PPP5C: variants seen among roughly 807,000 people sequenced by gnomAD.
The protein encoded by PPP5C is serine/threonine-protein phosphatase 5.
PPP5C carries 21 observed loss-of-function variants against 66.7 expected under a neutral mutation model. That is an observed-to-expected ratio of 0.31 (90% CI 0.22 to 0.45). The LOEUF is 0.45. Ranked by LOEUF, PPP5C falls within the 20% of genes least tolerant of loss-of-function variation. The probability of loss-of-function intolerance (pLI) is 1.00; values close to 1 mark genes in which losing one functional copy is unlikely to be tolerated. For synonymous variants in PPP5C, 246 were observed against 257.4 expected (o/e 0.96, Z 0.43); for missense variants, 464 against 675.9 (o/e 0.69, Z 3.48).
chr19:46,347,321 A>G, intron 1 of PPP5C, 104 bp downstream of exon 1: 3 of 1,448,782 alleles, frequency 2.1e-6, no homozygotes, highest in Non-Finnish European at 1.8e-6. Context: ...CGCGGGGCAG[A>G]CACTACCAAG....
intron 2 of PPP5C, among the ~76,000 whole-genome samples, chr19:46,368,167 G>A (rs1477885687): frequency 6.6e-6 from 1 of 152,208 alleles, no homozygotes; most frequent in Non-Finnish European, 1.5e-5. Flanking sequence ...GAAAGCTGCA[G>A]GGGTGGAGAG....
chr19:46,373,788 A>G (rs1972638851), intron 2 of PPP5C, among the ~76,000 whole-genome samples: 2 of 152,114 alleles, frequency 1.3e-5, no homozygotes, highest in Non-Finnish European at 2.9e-5. Context: ...AAGGGAGCCC[A>G]GGGGCCTTTG....
chr19:46,370,527 G>A (rs1461355209), intron 2 of PPP5C, among the ~76,000 whole-genome samples: 1 of 152,186 alleles, frequency 6.6e-6, no homozygotes, highest in African/African-American at 2.4e-5. Context: ...TTGAGAAGGT[G>A]TGGTTCTTTT....
rs187959590 is a variant in PPP5C, at chr19:46,355,159, C to T, written c.363+1170C>T. 3.0e-3 allele frequency among the ~76,000 whole-genome samples: 462 copies of T among 152,344 alleles called. 15 individuals are homozygous for T. The highest frequency in any genetic ancestry group is 0.027 in the Admixed American group (418 of 15,312). ...GAACCCAGGAGGCCTGGCCTCAGGG[C>T]CTTATCTCTCCCACCTCAGAGTTCG... is the stretch of plus-strand genomic sequence containing the variant. On this transcript the variant is annotated intron_variant, in intron 2 of 12. Coordinates refer to ENST00000012443, the MANE Select transcript of PPP5C (RefSeq NM_006247.4).
intron 1 of PPP5C, among the ~76,000 whole-genome samples, chr19:46,348,777 T>G (rs1030546420): frequency 1.3e-5 from 2 of 151,892 alleles, no homozygotes; most frequent in African/African-American, 4.8e-5. Flanking sequence ...GGAGGAGCAC[T>G]TAGTGAGGTG....
At position 46,383,275 on chromosome 19, in the gene PPP5C, C is replaced by T. The variant is rs1329061197; in HGVS notation, c.634-136C>T. The T allele has an allele frequency of 2.6e-6, 4 of 1,548,054 alleles. No individual in the cohort carries two copies. In the Admixed American group the frequency reaches 7.8e-5, roughly 30 times the overall value. The stretch of plus-strand genomic sequence containing the variant: ...GCCTGCTCCCGCTCCCCCAGGCCTG[C>T]CCTGCCCTTTTTCTTCTCTCCCTGC... On this transcript the variant is annotated intron_variant, in intron 4 of 12. Transcript: ENST00000012443. This position sits in a 1 kb window ranked among gnomAD's most constrained non-coding sequence, Gnocchi z 5.0.
chr19:46,376,334 G>A lies in PPP5C; in HGVS notation c.512-119G>A. 1 of 1,354,280 alleles carries A rather than the reference G, an allele frequency of 7.4e-7. No individual in the cohort carries two copies. The highest frequency in any genetic ancestry group is 1.0e-6 in the Non-Finnish European group (1 of 980,604). The allele number at this position is 1,354,280 out of a possible 1,614,324, so 83.9% of individuals were successfully genotyped here. A position where few individuals can be genotyped will look rare whatever the true frequency, so the allele number is the denominator to read the frequency against. On this transcript the variant is annotated intron_variant, in intron 3 of 12. Transcript: ENST00000012443. The surrounding 1 kb of genome is among the most constrained non-coding windows in gnomAD (Gnocchi z 5.1). Reference sequence around the variant, plus strand: ...CAGGAGGGGACTCTTCACTCACTCTGTCCCGCTCTCGACCTGTGTGTCCAC... The same window carrying A: ...CAGGAGGGGACTCTTCACTCACTCTATCCCGCTCTCGACCTGTGTGTCCAC...
Position 46,388,831 on chromosome 19 carries a change from C to A in PPP5C, c.1355+100C>A. Reference sequence around the variant, plus strand: ...TATGATGGAACATTTCAAAGACAGGCAAGAGCAGATAAAAGAACATGACGA... The same window carrying A: ...TATGATGGAACATTTCAAAGACAGGAAAGAGCAGATAAAAGAACATGACGA... On this transcript the variant is annotated intron_variant, in intron 11 of 12. Transcript: ENST00000012443. The surrounding 1 kb of genome is among the most constrained non-coding windows in gnomAD (Gnocchi z 4.9). 7.0e-7 allele frequency: 1 copy of A among 1,430,964 alleles called. No individual in the cohort carries two copies. The highest frequency in any genetic ancestry group is 9.5e-7 in the Non-Finnish European group (1 of 1,048,092). 88.6% of individuals were successfully genotyped at this position (1,430,964 alleles called of 1,614,324 possible).
At chr19:46,351,700 T>C (rs1017266373) in intron 1 of PPP5C, among the ~76,000 whole-genome samples, 3 of 151,832 alleles carry the variant, frequency 2.0e-5, no homozygotes, top group Admixed American at 6.6e-5. Flanking sequence ...CCAGGGAGGG[T>C]CGGTCAGATC....
Position 46,390,498 on chromosome 19 carries a change from AG to A in PPP5C, c.*157del. ...TATTTATTCCCCTTTAGGTTTGCAGAGGGGGTAGGGGCAGAGTCAGGGGCTG... is the reference window on the plus strand; with the variant it reads ...TATTTATTCCCCTTTAGGTTTGCAGAGGGGTAGGGGCAGAGTCAGGGGCTG... On this transcript the variant is annotated 3_prime_UTR_variant, in exon 13 of 13. Coordinates refer to ENST00000012443, the MANE Select transcript of PPP5C (RefSeq NM_006247.4). 1 of 1,463,108 alleles carries A rather than the reference AG, an allele frequency of 6.8e-7. No individual in the cohort carries two copies. The highest frequency in any genetic ancestry group is 9.1e-7 in the Non-Finnish European group (1 of 1,104,066). The allele number at this position is 1,463,108 out of a possible 1,614,324, so 90.6% of individuals were successfully genotyped here. A position where few individuals can be genotyped will look rare whatever the true frequency, so the allele number is the denominator to read the frequency against.
chr19:46,373,793 C>A (rs993878241), intron 2 of PPP5C, among the ~76,000 whole-genome samples: 10 of 152,128 alleles, frequency 6.6e-5, no homozygotes, highest in African/African-American at 2.4e-4. Context: ...AGCCCAGGGG[C>A]CTTTGGGAGC....
rs538850857 is a variant in PPP5C at position 46,370,810 on chromosome 19, G to C, written c.364-4794G>C. Reference sequence around the variant, plus strand: ...TGCTGGAGTGCAGTGGCGGGATCTCGGCTCACTGCAAGCTCCGCCTCCCGG... The same window carrying C: ...TGCTGGAGTGCAGTGGCGGGATCTCCGCTCACTGCAAGCTCCGCCTCCCGG... On this transcript the variant is annotated intron_variant, in intron 2 of 12. Coordinates refer to ENST00000012443, the MANE Select transcript of PPP5C (RefSeq NM_006247.4). Among the ~76,000 whole-genome samples, 4 of 151,644 alleles carry C rather than the reference G, an allele frequency of 2.6e-5. No homozygotes were observed. The South Asian group carries it at 8.3e-4, about 32-fold the overall frequency.
intron 1 of PPP5C, among the ~76,000 whole-genome samples, chr19:46,349,637 C>T (rs908904222): frequency 3.3e-5 from 5 of 151,864 alleles, no homozygotes; most frequent in African/African-American, 7.3e-5. Context: ...GTTTCAAGAG[C>T]GGGGTGCTGT....
chr19:46,347,948 A>AC (rs1235885935), intron 1 of PPP5C, among the ~76,000 whole-genome samples: 3 of 151,526 alleles, frequency 2.0e-5, no homozygotes, highest in Admixed American at 6.6e-5. Flanking sequence ...ATGAAAAAAA[A>AC]AAAAACAAAA....
intron 2 of PPP5C, among the ~76,000 whole-genome samples, chr19:46,365,666 G>GACTT (rs1416836980): frequency 2.0e-5 from 3 of 152,104 alleles, no homozygotes; most frequent in Admixed American, 2.0e-4. Flanking sequence ...CTAATGGGAG[G>GACTT]CCCTTTAAGA....
intron 2 of PPP5C, among the ~76,000 whole-genome samples, chr19:46,356,551 A>G (rs942327187): frequency 6.6e-6 from 1 of 152,106 alleles, no homozygotes; most frequent in African/African-American, 2.4e-5. Flanking sequence ...TGTGCACCTG[A>G]ATTCAGCCTG....
Position 46,347,088 on chromosome 19 carries a change from C to G in PPP5C, c.-9C>G. The G allele has an allele frequency of 1.3e-6, 2 of 1,597,404 alleles. No homozygotes were observed. The highest frequency in any genetic ancestry group is 1.7e-6 in the Non-Finnish European group (2 of 1,172,694). ...GCGGCCGTTGCCAGGGTAGGGGTCG[C>G]TTTGCGGCATGGCGATGGCGGAGGG... On this transcript the variant is annotated 5_prime_UTR_variant, in exon 1 of 13. Coordinates refer to ENST00000012443, the MANE Select transcript of PPP5C (RefSeq NM_006247.4).
At chr19:46,361,276 C>T (rs1972383932) in intron 2 of PPP5C, among the ~76,000 whole-genome samples, 1 of 150,752 alleles carries the variant, frequency 6.6e-6, no homozygotes, top group Non-Finnish European at 1.5e-5. Flanking sequence ...ACTACAGGTG[C>T]CTGCTACCAC....
At chr19:46,363,050 G>A (rs1972420004) in intron 2 of PPP5C, among the ~76,000 whole-genome samples, 1 of 151,132 alleles carries the variant, frequency 6.6e-6, no homozygotes, top group Non-Finnish European at 1.5e-5. Context: ...GCCTCCCAAA[G>A]TGCTGGGATT....
Sources: allele counts gnomAD v4.1 joint callset (sites outside exome capture counted in the v4.1 genomes callset), GRCh38; gene constraint gnomAD v4.1.1; non-coding constraint Gnocchi (gnomAD v3.1); transcripts MANE v1.5; gene names NCBI Gene and HGNC (gene_info 2026-07-23, HGNC 2026-07-21).